FRMD6: variants seen among roughly 807,000 people sequenced by gnomAD.
FRMD6 encodes the protein FERM domain containing 6, also known as FERM domain-containing protein 6.
FRMD6 carries 37 observed loss-of-function variants against 73.2 expected under a neutral mutation model. The ratio of observed to expected loss-of-function variants is 0.51; its 90% CI spans 0.39 to 0.66. FRMD6 has a LOEUF of 0.66. FRMD6 is among the 30% of genes least tolerant of loss of function. FRMD6 has a pLI of 0.00. For missense variants in FRMD6, 714 were observed against 780.5 expected (o/e 0.91, Z 1.02); for synonymous variants, 273 against 282.2 (o/e 0.97, Z 0.33).
the FRMD6 span, among the ~76,000 whole-genome samples, chr14:51,459,356 C>T: frequency 6.6e-6 from 1 of 152,302 alleles, no homozygotes; most frequent in East Asian, 1.9e-4. Context: ...GGCCCTCCCT[C>T]ACTAACTTCT....
intron 1 of FRMD6, among the ~76,000 whole-genome samples, chr14:51,546,378 T>A (rs1886462507): frequency 6.7e-6 from 1 of 149,016 alleles, no homozygotes; most frequent in Non-Finnish European, 1.5e-5. Flanking sequence ...AAATCATGTC[T>A]CTCAGGAAAG....
chr14:51,413,794 A>G, the FRMD6 span, among the ~76,000 whole-genome samples: 1 of 152,070 alleles, frequency 6.6e-6, no homozygotes, highest in Non-Finnish European at 1.5e-5. Flanking sequence ...AAACATTCCT[A>G]TTTCTCCACA....
At chr14:51,510,497 A>C (rs1016270727) in intron 1 of FRMD6, among the ~76,000 whole-genome samples, 4 of 152,164 alleles carry the variant, frequency 2.6e-5, no homozygotes, top group Non-Finnish European at 5.9e-5. Flanking sequence ...AAAAGAATCC[A>C]ATATATTTTA....
At chr14:51,644,372 C>CACACACAA (rs1891958480) in intron 2 of FRMD6, among the ~76,000 whole-genome samples, 1 of 134,974 alleles carries the variant, frequency 7.4e-6, no homozygotes, top group South Asian at 2.4e-4. Flanking sequence ...CACACACACA[C>CACACACAA]ACACACACAC....
At chr14:51,592,345 C>T (rs1950931) in intron 2 of FRMD6, among the ~76,000 whole-genome samples, 79,204 of 151,974 alleles carry the variant, frequency 0.52, 20,887 homozygotes, top group South Asian at 0.6. Flanking sequence ...TGGGTTATTG[C>T]GTGTGTTTTA....
At chr14:51,699,750 A>G (rs1452086200) in intron 3 of FRMD6, among the ~76,000 whole-genome samples, 1 of 152,020 alleles carries the variant, frequency 6.6e-6, no homozygotes, top group Non-Finnish European at 1.5e-5. Flanking sequence ...AAAAATATAT[A>G]TATGTACTAT....
intron 2 of FRMD6, among the ~76,000 whole-genome samples, chr14:51,618,832 T>A (rs1372544260): frequency 6.6e-6 from 1 of 151,614 alleles, no homozygotes; most frequent in Admixed American, 6.6e-5. Flanking sequence ...ATTATTATAA[T>A]ACAATTATAA....
chr14:51,570,881 C>A (rs1477204014), intron 2 of FRMD6, among the ~76,000 whole-genome samples: 1 of 152,206 alleles, frequency 6.6e-6, no homozygotes, highest in Non-Finnish European at 1.5e-5. Context: ...ATACATTATT[C>A]CAAACATACT....
At chr14:51,535,747 G>T (rs542556287) in intron 1 of FRMD6, among the ~76,000 whole-genome samples, 1 of 152,116 alleles carries the variant, frequency 6.6e-6, no homozygotes, top group African/African-American at 2.4e-5. Flanking sequence ...AAATTGCTGG[G>T]TTATATGTTT....
At position 51,691,929 on chromosome 14, in the gene FRMD6, A is replaced by G. The variant is rs888961164; in HGVS notation, c.99+1994A>G. Among the ~76,000 whole-genome samples the G allele has an allele frequency of 7.7e-5, 11 of 143,540 alleles. No homozygotes were observed. In the South Asian group the frequency reaches 2.3e-3, roughly 30 times the overall value. 94.2% of individuals were successfully genotyped at this position (143,540 alleles called of 152,430 possible). Reference sequence around the variant, plus strand: ...TATTTTTAATCCAATTGCTATATAAAAGAATATTTCTAAATATTATGCTGA... The same window carrying G: ...TATTTTTAATCCAATTGCTATATAAGAGAATATTTCTAAATATTATGCTGA... On this transcript the variant is annotated intron_variant, in intron 2 of 13. Transcript: ENST00000344768.
In FRMD6 at chr14:51,630,572, C is replaced by T. The variant is rs183013903; in HGVS notation, c.-146-59119C>T. Among the ~76,000 whole-genome samples, 291 of 152,132 alleles carry T rather than the reference C, an allele frequency of 1.9e-3. 1 individual carries two copies. The highest frequency in any genetic ancestry group is 6.8e-3 in the African/African-American group (284 of 41,490). On this transcript the variant is annotated intron_variant, in intron 2 of 14. Coordinates refer to the FRMD6 transcript ENST00000356218. ...TGAGACCAGCCTGGGCAAAAAAGAC[C>T]CTGTCTCCACAAGAAAATAAAAAAA... is the stretch of plus-strand genomic sequence containing the variant.
At chr14:51,655,199 TAA>T (rs1458458036) in intron 1 of FRMD6, among the ~76,000 whole-genome samples, 1 of 152,232 alleles carries the variant, frequency 6.6e-6, no homozygotes, top group African/African-American at 2.4e-5. Flanking sequence ...CACAGTTTAT[TAA>T]AAAGTCAGTA....
intron 10 of FRMD6, among the ~76,000 whole-genome samples, chr14:51,715,948 A>T (rs1897216252): frequency 6.6e-6 from 1 of 152,190 alleles, no homozygotes; most frequent in African/African-American, 2.4e-5. Context: ...GTGACAATAA[A>T]GGTAGGTCAC....
chr14:51,617,293 G>A (rs1890753217), intron 2 of FRMD6, among the ~76,000 whole-genome samples: 1 of 152,222 alleles, frequency 6.6e-6, no homozygotes, highest in East Asian at 1.9e-4. Context: ...TTTTACTACT[G>A]AACAGCAGGG....
At chr14:51,663,006 A>G (rs1458184030) in intron 1 of FRMD6, among the ~76,000 whole-genome samples, 1 of 152,246 alleles carries the variant, frequency 6.6e-6, no homozygotes, top group Non-Finnish European at 1.5e-5. Context: ...TGCAGCAAAC[A>G]ATCATATGAA....
intron 1 of FRMD6, among the ~76,000 whole-genome samples, chr14:51,493,452 G>A (rs202091100): frequency 3.9e-5 from 6 of 152,110 alleles, no homozygotes; most frequent in Non-Finnish European, 7.4e-5. Context: ...TAAGTCTCAC[G>A]AGATCTGATG....
the FRMD6 span, among the ~76,000 whole-genome samples, chr14:51,459,119 A>AG: frequency 6.6e-6 from 1 of 152,226 alleles, no homozygotes; most frequent in South Asian, 2.1e-4. Flanking sequence ...ATTGACCCTT[A>AG]GATCTATTTA....
intron 1 of FRMD6, among the ~76,000 whole-genome samples, chr14:51,545,163 A>G (rs1886400402): frequency 6.6e-6 from 1 of 152,114 alleles, no homozygotes; most frequent in South Asian, 2.1e-4. Flanking sequence ...AACATTCTGT[A>G]GTAGAATAGC....
intron 11 of FRMD6, among the ~76,000 whole-genome samples, chr14:51,721,239 T>A (rs1303441306): frequency 2.6e-5 from 4 of 152,160 alleles, no homozygotes; most frequent in Non-Finnish European, 1.5e-5. Flanking sequence ...GGTGGTATAG[T>A]TTTTCTTCTT....
Sources: gnomAD v4.1 joint callset for allele counts (sites outside exome capture counted in the v4.1 genomes callset) on GRCh38, gnomAD v4.1.1 for gene constraint, MANE v1.5 for transcripts, NCBI Gene and HGNC (gene_info 2026-07-23, HGNC 2026-07-21) for gene names.